Variants in OSBPL11 observed in about 807,000 individuals in gnomAD.
The protein encoded by OSBPL11 is oxysterol-binding protein-related protein 11.
In OSBPL11, 33 loss-of-function variants were observed where a neutral mutation model predicts 84.4. The observed-to-expected ratio is 0.39, with a 90% CI of 0.30 to 0.52. OSBPL11 has a LOEUF of 0.52. Ranked by LOEUF, OSBPL11 falls within the 20% of genes least tolerant of loss-of-function variation. The pLI is 0.72. For synonymous variants in OSBPL11, 276 were observed against 310.2 expected, an observed-to-expected ratio of 0.89 and a Z score of 1.16; for missense variants, 736 against 901.1, an observed-to-expected ratio of 0.82 and a Z score of 2.35.
rs750080262 is a variant in OSBPL11, at chr3:125,552,265, C to G, written c.1570G>C (p.Glu524Gln). 4.3e-6 allele frequency: 7 copies of G among 1,613,924 alleles called. No individual in the cohort carries two copies. In the Admixed American group the frequency reaches 6.7e-5, roughly 15 times the overall value. ...PVSGFYAECTERKMCVNAHVW... is the reference protein window; with the variant it reads ...PVSGFYAECTQRKMCVNAHVW... ...TGCGCATTTACACACATCTTCCTCT[C>G]TGTACATTCTGCATAAAATCCTGAG... The change falls in exon 9 of 13, where the codon GAG becomes CAG. Residue 524 changes from glutamate (E) to glutamine (Q), a missense_variant. Glu to Gln is a conservative substitution (Grantham distance 29). This residue lies in a region of OSBPL11 where 579 missense variants were observed against 717.6 expected (regional missense o/e 0.81). Transcript: ENST00000296220.
Position 125,530,402 on chromosome 3 carries a change from A to T in OSBPL11, c.*113T>A. 1.1e-6 allele frequency: 1 copy of T among 945,326 alleles called. No homozygotes were observed. The highest frequency in any genetic ancestry group is 1.7e-6 in the Non-Finnish European group (1 of 588,506). The allele number at this position is 945,326 out of a possible 1,614,324, so 58.6% of individuals were successfully genotyped here. A position where few individuals can be genotyped will look rare whatever the true frequency, so the allele number is the denominator to read the frequency against. On this transcript the variant is annotated 3_prime_UTR_variant, in exon 13 of 13. Coordinates refer to ENST00000296220, the MANE Select transcript of OSBPL11 (RefSeq NM_022776.5). The stretch of plus-strand genomic sequence containing the variant: ...CTAGTAGGTACATTCAGGTTTAGCT[A>T]GTTTCAGTCTGCGCAATCAGGAAGC...
At chr3:125,571,546 G>A (rs1324000567) in intron 5 of OSBPL11, among the ~76,000 whole-genome samples, 2 of 152,106 alleles carry the variant, frequency 1.3e-5, no homozygotes, top group East Asian at 3.9e-4. Context: ...TTCATGGGCC[G>A]GGCCTAGGGT....
At chr3:125,561,732 T>C (rs1165150789) in intron 7 of OSBPL11, among the ~76,000 whole-genome samples, 1 of 152,236 alleles carries the variant, frequency 6.6e-6, no homozygotes, top group East Asian at 1.9e-4. Flanking sequence ...TATGGAGCAG[T>C]GCTCCTGGAA....
At chr3:125,583,669 T>C (rs1936462304) in intron 1 of OSBPL11, among the ~76,000 whole-genome samples, 1 of 148,008 alleles carries the variant, frequency 6.8e-6, no homozygotes, top group African/African-American at 2.5e-5. Flanking sequence ...GATAGGGGGA[T>C]CACTTGAGCC....
chr3:125,581,272 C>T (rs1407409470), intron 2 of OSBPL11, among the ~76,000 whole-genome samples: 2 of 151,762 alleles, frequency 1.3e-5, no homozygotes, highest in Admixed American at 6.6e-5. Context: ...TTGTATTTTT[C>T]GTAGAGATGG....
At chr3:125,580,915 A>C (rs1936414278) in intron 2 of OSBPL11, among the ~76,000 whole-genome samples, 1 of 152,166 alleles carries the variant, frequency 6.6e-6, no homozygotes, top group Non-Finnish European at 1.5e-5. Flanking sequence ...AAAAATGAAA[A>C]AGCTGCAATT....
chr3:125,582,286 G>C (rs1423299079), intron 2 of OSBPL11, among the ~76,000 whole-genome samples: 1 of 150,928 alleles, frequency 6.6e-6, no homozygotes, highest in Non-Finnish European at 1.5e-5. Flanking sequence ...AGTGAGCCGA[G>C]ATCATGCCAT....
chr3:125,539,541 AGT>A (rs1273294057), intron 10 of OSBPL11, among the ~76,000 whole-genome samples: 2 of 151,742 alleles, frequency 1.3e-5, no homozygotes, highest in Non-Finnish European at 2.9e-5. Context: ...TCCTGGGTTA[AGT>A]GACTCTCCTG....
At chr3:125,594,527 T>C in intron 1 of OSBPL11, 110 bp downstream of exon 1, 2 of 1,295,140 alleles carry the variant, frequency 1.5e-6, no homozygotes, top group Non-Finnish European at 2.1e-6. Flanking sequence ...CAGTAGCTTC[T>C]GGAAGCCAGT....
At chr3:125,530,737 C>T (rs1157588186) in intron 12 of OSBPL11, among the ~76,000 whole-genome samples, 157 bp from the exon 13 acceptor site, 1 of 152,142 alleles carries the variant, frequency 6.6e-6, no homozygotes, top group Non-Finnish European at 1.5e-5. Flanking sequence ...AGACATCAAA[C>T]GATGCCTGTG....
intron 7 of OSBPL11, 22 bp from the exon 8 acceptor site, chr3:125,560,541 A>G: frequency 6.5e-7 from 1 of 1,529,020 alleles, no homozygotes; most frequent in Non-Finnish European, 8.8e-7. Flanking sequence ...ACAAAGCAAA[A>G]GTCTAGTATT....
intron 1 of OSBPL11, among the ~76,000 whole-genome samples, chr3:125,588,471 A>C (rs2107613559): frequency 6.6e-6 from 1 of 152,260 alleles, no homozygotes; most frequent in East Asian, 1.9e-4. Context: ...CTCTCTCTAT[A>C]TATATCTACC....
intron 6 of OSBPL11, 115 bp from the exon 7 acceptor site, chr3:125,563,958 G>A: frequency 8.7e-7 from 1 of 1,149,496 alleles, no homozygotes; most frequent in Non-Finnish European, 1.2e-6. Context: ...AATTAAACCT[G>A]TTAAGAGACC....
intron 7 of OSBPL11, among the ~76,000 whole-genome samples, chr3:125,560,829 G>C (rs537194349): frequency 5.3e-5 from 8 of 152,046 alleles, no homozygotes; most frequent in African/African-American, 1.9e-4. Flanking sequence ...CTCCAGAGTC[G>C]CTGGGATTAC....
intron 12 of OSBPL11, among the ~76,000 whole-genome samples, chr3:125,531,129 G>A (rs754055122): frequency 3.3e-5 from 5 of 151,058 alleles, no homozygotes; most frequent in South Asian, 4.2e-4. Context: ...TTACAGGCAC[G>A]TGCCATACCC....
At chr3:125,576,140 C>G (rs967580740) in intron 5 of OSBPL11, 49 bp downstream of exon 5, 2 of 1,518,520 alleles carry the variant, frequency 1.3e-6, no homozygotes, top group Non-Finnish European at 1.8e-6. Flanking sequence ...CAAAACCAAG[C>G]AGGTAAAATC....
intron 6 of OSBPL11, among the ~76,000 whole-genome samples, chr3:125,566,231 CCTG>C (rs1336276687): frequency 6.6e-6 from 1 of 152,150 alleles, no homozygotes; most frequent in Non-Finnish European, 1.5e-5. Flanking sequence ...GTCTCAAACT[CCTG>C]ACCTTAGGTG....
chr3:125,586,705 CG>C (rs773213148), intron 1 of OSBPL11, among the ~76,000 whole-genome samples: 64 of 151,904 alleles, frequency 4.2e-4, no homozygotes, highest in South Asian at 1.3e-3. Flanking sequence ...GTAGTAGAGA[CG>C]GGGTTTCATC....
chr3:125,594,320 G>A (rs1936647028), intron 1 of OSBPL11, among the ~76,000 whole-genome samples: 1 of 152,204 alleles, frequency 6.6e-6, no homozygotes, highest in South Asian at 2.1e-4. Context: ...AAGCTGGCTT[G>A]TAAATAAATT....
Sources: allele counts gnomAD v4.1 joint callset (sites outside exome capture counted in the v4.1 genomes callset), GRCh38; gene constraint gnomAD v4.1.1; regional missense constraint gnomAD v4.1.1; transcripts MANE v1.5; gene names NCBI Gene and HGNC (gene_info 2026-07-23, HGNC 2026-07-21).